The following IARS1 variants were observed in gnomAD, a reference collection of about 807,000 sequenced individuals.
The protein encoded by IARS1 is isoleucine--tRNA ligase, cytoplasmic.
In IARS1, 124 loss-of-function variants were observed where a neutral mutation model predicts 168.2. The observed-to-expected ratio is 0.74, with a 90% CI of 0.64 to 0.86. IARS1 has a LOEUF of 0.86. Among genes scored for constraint, IARS1 ranks in the 40% least tolerant of loss-of-function variants. IARS1 has a pLI of 0.00. For synonymous variants in IARS1, 532 were observed against 529.4 expected, an observed-to-expected ratio of 1.00 and a Z score of -0.07; for missense variants, 1,452 against 1,515.8, an observed-to-expected ratio of 0.96 and a Z score of 0.70.
chr9:92,241,490 C>T (rs553034806), intron 29 of IARS1, among the ~76,000 whole-genome samples: 98 of 152,158 alleles, frequency 6.4e-4, no homozygotes, highest in African/African-American at 2.0e-3. Flanking sequence ...GGATTACAGG[C>T]GTGTACCACC....
intron 14 of IARS1, among the ~76,000 whole-genome samples, chr9:92,267,641 G>C (rs1240898753): frequency 1.3e-5 from 2 of 152,152 alleles, no homozygotes; most frequent in Non-Finnish European, 2.9e-5. Flanking sequence ...TTACATGTGG[G>C]AGCCATCACA....
At chr9:92,253,310 A>C in intron 21 of IARS1, 52 bp downstream of exon 21, 1 of 1,107,624 alleles carries the variant, frequency 9.0e-7, no homozygotes, top group Non-Finnish European at 1.4e-6. Flanking sequence ...TATTTCTTCT[A>C]CTTTCAAACT....
At chr9:92,275,147 G>C (rs1833609680) in intron 9 of IARS1, among the ~76,000 whole-genome samples, 1 of 152,140 alleles carries the variant, frequency 6.6e-6, no homozygotes, top group South Asian at 2.1e-4. Context: ...ACAAACCCTT[G>C]TTTCTGCCAA....
At chr9:92,279,936 T>C (rs1045332504) in intron 7 of IARS1, among the ~76,000 whole-genome samples, 1 of 152,218 alleles carries the variant, frequency 6.6e-6, no homozygotes, top group African/African-American at 2.4e-5. Flanking sequence ...CATAATGTCC[T>C]CCAGGTTCAT....
At chr9:92,222,699 A>G in intron 32 of IARS1, 27 bp from the exon 33 acceptor site, 1 of 1,612,264 alleles carries the variant, frequency 6.2e-7, no homozygotes, top group East Asian at 2.2e-5. Flanking sequence ...AAACTGGATT[A>G]AATCTCGAGA....
chr9:92,222,361 A>G (rs910662517), intron 33 of IARS1, among the ~76,000 whole-genome samples, 159 bp downstream of exon 33: 426 of 149,902 alleles, frequency 2.8e-3, no homozygotes, highest in African/African-American at 4.3e-3. Context: ...AAAAAAAAAA[A>G]AAAAGAAAAG....
At chr9:92,251,162 TG>T (rs1161797600) in intron 22 of IARS1, 4 of 467,720 alleles carry the variant, frequency 8.6e-6, no homozygotes, top group Non-Finnish European at 1.7e-5. Context: ...ATCTGTAAAC[TG>T]GGGAAAATAC....
chr9:92,257,553 C>T (rs554520215), intron 19 of IARS1, among the ~76,000 whole-genome samples: 135 of 152,276 alleles, frequency 8.9e-4, no homozygotes, highest in African/African-American at 3.1e-3. Flanking sequence ...AGGTGGCAGG[C>T]TGCAGAGAGG....
intron 33 of IARS1, among the ~76,000 whole-genome samples, chr9:92,212,459 T>C (rs1032774091): frequency 6.6e-6 from 1 of 152,108 alleles, no homozygotes; most frequent in Non-Finnish European, 1.5e-5. Flanking sequence ...GCAGCACAGG[T>C]TAAGAATGGT....
At chr9:92,212,183 G>T (rs1564150761) in intron 33 of IARS1, among the ~76,000 whole-genome samples, 1 of 152,174 alleles carries the variant, frequency 6.6e-6, no homozygotes, top group Non-Finnish European at 1.5e-5. Flanking sequence ...GTTTAGTGGA[G>T]CAAGCAAGAA....
At chr9:92,264,850 A>C in intron 16 of IARS1, 79 bp downstream of exon 16, 1 of 1,224,392 alleles carries the variant, frequency 8.2e-7, no homozygotes, top group East Asian at 2.5e-5. Flanking sequence ...CCAGTAGATA[A>C]ATGGCAGTGA....
At position 92,244,994 on chromosome 9, in the gene IARS1, C is replaced by T. The variant is rs745433637; in HGVS notation, c.2869G>A (p.Gly957Arg). 1.1e-5 allele frequency: 17 copies of T among 1,614,038 alleles called. No individual in the cohort carries two copies. The highest frequency in any genetic ancestry group is 1.4e-5 in the Non-Finnish European group (17 of 1,180,032). The change falls in exon 27 of 34, where the codon GGG becomes AGG. Residue 957 changes from glycine to arginine, a missense_variant. Gly to Arg is a moderately radical substitution (Grantham distance 125). Coordinates refer to ENST00000443024, the MANE Select transcript of IARS1 (RefSeq NM_002161.6). ...LMYTFDQATG[G>R]TAQFEAHSDA... The stretch of plus-strand genomic sequence containing the variant: ...GAGTGTGCTTCAAATTGCGCAGTCC[C>T]ACCTGTGGCCTGATCAAAGGTGTAC...
chr9:92,225,023 A>G (rs1040814726), intron 31 of IARS1, among the ~76,000 whole-genome samples: 2 of 152,138 alleles, frequency 1.3e-5, no homozygotes, highest in Admixed American at 6.6e-5. Context: ...GCTACTGCGT[A>G]TCCCACCTAC....
chr9:92,252,000 A>C, intron 21 of IARS1, 115 bp from the exon 22 acceptor site: 1 of 762,192 alleles, frequency 1.3e-6, no homozygotes, highest in Non-Finnish European at 2.2e-6. Flanking sequence ...TACAGACAAG[A>C]CATGAGACAG....
In IARS1 at chr9:92,257,446, C is replaced by A. The variant is rs147186785; in HGVS notation, c.2017-646G>T. Among the ~76,000 whole-genome samples, 321 of 152,268 alleles carry A rather than the reference C, an allele frequency of 2.1e-3. 2 individuals carry two copies. The highest frequency in any genetic ancestry group is 7.3e-3 in the African/African-American group (302 of 41,534). The stretch of plus-strand genomic sequence containing the variant: ...GGCCCTGGCTGTGGGGAGCTTTGAC[C>A]CCGCCTGTATTCCTGAGTCCCACAC... On this transcript the variant is annotated intron_variant, in intron 19 of 33. Transcript: ENST00000443024.
chr9:92,289,199 T>G (rs1170377749), intron 2 of IARS1, 102 bp downstream of exon 2: 9 of 515,502 alleles, frequency 1.7e-5, no homozygotes, highest in Admixed American at 4.1e-5. Flanking sequence ...AGTGCGAGAC[T>G]CCATCTCAAA....
At chr9:92,281,928 C>T (rs1216158511) in intron 6 of IARS1, among the ~76,000 whole-genome samples, 3 of 152,108 alleles carry the variant, frequency 2.0e-5, no homozygotes, top group Admixed American at 6.5e-5. Flanking sequence ...TGGAGACATA[C>T]CACTGCATGA....
intron 27 of IARS1, among the ~76,000 whole-genome samples, chr9:92,244,018 A>G (rs146142799): frequency 4.4e-4 from 67 of 152,328 alleles, no homozygotes; most frequent in African/African-American, 1.4e-3. Flanking sequence ...AGAAGTTAAG[A>G]AATGACTCAC....
At position 92,250,248 on chromosome 9, in the gene IARS1, T is replaced by A. The variant is rs1829817606; in HGVS notation, c.2471A>T (p.Gln824Leu). 6.2e-7 allele frequency: 1 copy of A among 1,611,708 alleles called. No homozygotes were observed. Among genetic ancestry groups the A allele is most frequent in the African/African-American group, 1.3e-5 (1 of 74,896 alleles). ...TCCAAGTTCAATCACAGACTGCATC[T>A]GAGATACTGCACTCTCTGTTTTCTT... ...IDKKTESAVS[Q>L]MQSVIELGRV... Residue 824 changes from glutamine (Q) to leucine (L), a missense_variant, in exon 24 of 34, where the codon CAG (glutamine) becomes CTG (leucine). By Grantham distance (113) the Gln-to-Leu change is moderately radical (BLOSUM62 -2). Coordinates refer to ENST00000443024, the MANE Select transcript of IARS1 (RefSeq NM_002161.6).
Sources: gnomAD v4.1 joint callset for allele counts (sites outside exome capture counted in the v4.1 genomes callset) on GRCh38, gnomAD v4.1.1 for gene constraint, MANE v1.5 for transcripts, NCBI Gene and HGNC (gene_info 2026-07-23, HGNC 2026-07-21) for gene names.